Variants in RIPOR3 observed in about 807,000 individuals in gnomAD.
RIPOR3 encodes family with sequence similarity 65 member C.
In RIPOR3, 95 loss-of-function variants were observed where a neutral mutation model predicts 114.3. The ratio of observed to expected loss-of-function variants is 0.83; its 90% CI spans 0.70 to 0.99. The LOEUF is 0.99. Ranked by LOEUF, RIPOR3 falls within the 50% of genes least tolerant of loss-of-function variation. RIPOR3 has a pLI of 0.00. For missense variants in RIPOR3, 1,252 were observed against 1,266.9 expected, an observed-to-expected ratio of 0.99 and a Z score of 0.18; for synonymous variants, 575 against 543.8, an observed-to-expected ratio of 1.06 and a Z score of -0.80.
rs769582421 is a variant in RIPOR3, at chr20:50,587,351, C to G, written c.2753-19G>C. 26 of 1,608,170 alleles carry G rather than the reference C, an allele frequency of 1.6e-5. No homozygotes were observed. Among genetic ancestry groups the G allele is most frequent in the Non-Finnish European group, 2.2e-5 (26 of 1,175,832 alleles). On this transcript the variant is annotated intron_variant, in intron 21 of 21. Coordinates refer to ENST00000327979, the MANE Select transcript of RIPOR3 (RefSeq NM_001290268.2). Reference sequence around the variant, plus strand: ...TTTTCACCTGAAATAGCAAAGGGACCTGTCAGCGGGTTGGATCCTGCCTTG... The same window carrying G: ...TTTTCACCTGAAATAGCAAAGGGACGTGTCAGCGGGTTGGATCCTGCCTTG...
At chr20:50,663,689 G>A (rs2086085911) in intron 1 of RIPOR3, among the ~76,000 whole-genome samples, 1 of 151,968 alleles carries the variant, frequency 6.6e-6, no homozygotes, top group Non-Finnish European at 1.5e-5. Flanking sequence ...CCTTCATTGG[G>A]CAAGACTGAG....
At chr20:50,630,662 G>T in intron 2 of RIPOR3, 76 bp downstream of exon 2, 1 of 1,302,456 alleles carries the variant, frequency 7.7e-7, no homozygotes, top group Non-Finnish European at 1.1e-6. Flanking sequence ...AGCAGGAGGA[G>T]GATGACCCTG....
chr20:50,643,473 C>T (rs1016985034), intron 1 of RIPOR3, among the ~76,000 whole-genome samples: 8 of 149,840 alleles, frequency 5.3e-5, no homozygotes, highest in Non-Finnish European at 5.9e-5. Flanking sequence ...GTGGGAAGAC[C>T]GCTTAAAGCC....
chr20:50,612,506 G>C (rs915307470), intron 4 of RIPOR3, among the ~76,000 whole-genome samples: 1 of 152,170 alleles, frequency 6.6e-6, no homozygotes, highest in Admixed American at 6.5e-5. Flanking sequence ...GGGTTACCAT[G>C]GGGTTGTAGA....
intron 1 of RIPOR3, among the ~76,000 whole-genome samples, chr20:50,637,189 C>T (rs2085017919): frequency 6.6e-6 from 1 of 152,110 alleles, no homozygotes; most frequent in Non-Finnish European, 1.5e-5. Flanking sequence ...CAAGACTAAG[C>T]CCAGGATGGT....
At chr20:50,649,813 G>T (rs926847930) in intron 1 of RIPOR3, among the ~76,000 whole-genome samples, 1 of 152,204 alleles carries the variant, frequency 6.6e-6, no homozygotes, top group Non-Finnish European at 1.5e-5. Flanking sequence ...TCCAAGGACG[G>T]TAATGAGGTT....
chr20:50,644,462 CT>C (rs1301017308), intron 1 of RIPOR3, among the ~76,000 whole-genome samples: 1 of 151,910 alleles, frequency 6.6e-6, no homozygotes, highest in Non-Finnish European at 1.5e-5. Context: ...TTTTTATAAC[CT>C]GGATTGGTAC....
chr20:50,617,174 G>A (rs953520656), intron 3 of RIPOR3, among the ~76,000 whole-genome samples: 2 of 152,026 alleles, frequency 1.3e-5, no homozygotes, highest in Non-Finnish European at 2.9e-5. Context: ...CTAGATTTGG[G>A]GGCCAAGGCA....
At chr20:50,611,114 G>T in intron 5 of RIPOR3, 67 bp downstream of exon 5, 1 of 1,610,396 alleles carries the variant, frequency 6.2e-7, no homozygotes, top group South Asian at 1.1e-5. Context: ...CCAGGAAGAT[G>T]CAATGAGGCA....
intron 2 of RIPOR3, among the ~76,000 whole-genome samples, chr20:50,622,793 C>T (rs1022093312): frequency 6.6e-6 from 1 of 152,144 alleles, no homozygotes. Flanking sequence ...ACACACTACC[C>T]AAGGCTCTGT....
At chr20:50,643,537 GA>G (rs995838828) in intron 1 of RIPOR3, among the ~76,000 whole-genome samples, 3 of 149,670 alleles carry the variant, frequency 2.0e-5, no homozygotes, top group African/African-American at 2.4e-5. Context: ...TACAAGAAGT[GA>G]AAAAAAAAGT....
At position 50,623,265 on chromosome 20, in the gene RIPOR3, AAAAAAAAAAAAAAAG is replaced by A. The variant is rs1475986078; in HGVS notation, c.123-3148_123-3134del. Among the ~76,000 whole-genome samples, 3 of 151,204 alleles carry A rather than the reference AAAAAAAAAAAAAAAG, an allele frequency of 2.0e-5. No individual in the cohort carries two copies. In the East Asian group the frequency reaches 5.8e-4, roughly 29 times the overall value. On this transcript the variant is annotated intron_variant, in intron 2 of 21. Transcript: ENST00000327979. Reference sequence around the variant, plus strand: ...GCAAGAGCAAAACTCTGCCTTAAAAAAAAAAAAAAAAAAAGAAAAAAAAGAAAATATTAGGAGTTT... The same window carrying A: ...GCAAGAGCAAAACTCTGCCTTAAAAAAAAAAAAAGAAAATATTAGGAGTTT...
At position 50,615,015 on chromosome 20, in the gene RIPOR3, C is replaced by T. The variant is rs559738743; in HGVS notation, c.348+987G>A. ...GAGGTTGCAGGGAGCCGATATCACA[C>T]CATTGCACTCCAGCCTGGGCAACAG... On this transcript the variant is annotated intron_variant, in intron 4 of 21. Transcript: ENST00000327979. 1.8e-3 allele frequency among the ~76,000 whole-genome samples: 273 copies of T among 152,174 alleles called. 3 individuals carry two copies. The highest frequency in any genetic ancestry group is 2.9e-3 in the Admixed American group (44 of 15,282).
intron 13 of RIPOR3, among the ~76,000 whole-genome samples, chr20:50,598,620 G>A (rs182777967): frequency 3.2e-4 from 48 of 152,328 alleles, no homozygotes; most frequent in African/African-American, 1.0e-3. Flanking sequence ...ATACACACAT[G>A]CATGTAGACT....
Position 50,593,115 on chromosome 20 carries a change from G to T in RIPOR3, c.2294C>A (p.Thr765Asn). 6.2e-7 allele frequency: 1 copy of T among 1,614,078 alleles called. No individual in the cohort carries two copies. Among genetic ancestry groups the T allele is most frequent in the Admixed American group, 1.7e-5 (1 of 60,034 alleles). The change falls in exon 18 of 22, where the codon ACC becomes AAC. Residue 765 changes from threonine to asparagine, a missense_variant. Physicochemically the swap from Thr to Asn is moderately conservative, Grantham distance 65. Transcript: ENST00000327979. The part of the protein sequence containing the change: ...GAGLPEEQII[T>N]WFQFHSYLQR... Reference sequence around the variant, plus strand: ...CAGGTAGCTGTGAAACTGGAACCAGGTAATGATCTGTTCTTCTGGGAGCCC... The same window carrying T: ...CAGGTAGCTGTGAAACTGGAACCAGTTAATGATCTGTTCTTCTGGGAGCCC...
intron 20 of RIPOR3, among the ~76,000 whole-genome samples, chr20:50,589,030 C>T (rs1488521993): frequency 1.4e-5 from 2 of 139,120 alleles, no homozygotes. Flanking sequence ...TGCAGTGAGC[C>T]GAGATCGCGC....
chr20:50,643,300 GT>G (rs35657879), intron 1 of RIPOR3, among the ~76,000 whole-genome samples: 3,204 of 129,280 alleles, frequency 0.025, 106 homozygotes, highest in African/African-American at 0.085. Flanking sequence ...TTTTGTGTGT[GT>G]TTTTTTTTTT....
At chr20:50,687,902 CA>C (rs11287738) in intron 1 of RIPOR3, among the ~76,000 whole-genome samples, 21,206 of 128,756 alleles carry the variant, frequency 0.16, 1,495 homozygotes, top group East Asian at 0.25. Flanking sequence ...GACTCCATCT[CA>C]AAAAAAAAAA....
intron 1 of RIPOR3, among the ~76,000 whole-genome samples, chr20:50,656,164 T>A (rs961182054): frequency 1.3e-5 from 2 of 151,984 alleles, no homozygotes; most frequent in Non-Finnish European, 2.9e-5. Flanking sequence ...CGCATCACCA[T>A]GCCCGGCTAA....
Sources: gnomAD v4.1 joint callset for allele counts (sites outside exome capture counted in the v4.1 genomes callset) on GRCh38, gnomAD v4.1.1 for gene constraint, MANE v1.5 for transcripts, NCBI Gene and HGNC (gene_info 2026-07-23, HGNC 2026-07-21) for gene names.